NFIB: variants seen among roughly 807,000 people sequenced by gnomAD.
The protein encoded by NFIB is nuclear factor I B.
Under a neutral mutation model 61.5 loss-of-function variants are expected in NFIB, and 11 were observed. The observed-to-expected ratio is 0.18, with a 90% CI of 0.11 to 0.30. NFIB has a LOEUF of 0.30. Among genes scored for constraint, NFIB ranks in the 10% least tolerant of loss-of-function variants. NFIB has a pLI of 1.00. For synonymous variants in NFIB, 260 were observed against 216.5 expected, an observed-to-expected ratio of 1.20 and a Z score of -1.76; for missense variants, 471 against 608.9, an observed-to-expected ratio of 0.77 and a Z score of 2.38.
At chr9:14,272,855 G>A (rs903497073) in intron 2 of NFIB, among the ~76,000 whole-genome samples, 3 of 151,716 alleles carry the variant, frequency 2.0e-5, no homozygotes, top group Non-Finnish European at 2.9e-5. Context: ...CTTTTCTCTC[G>A]GTAAACAATT....
intron 2 of NFIB, among the ~76,000 whole-genome samples, chr9:14,247,902 T>C (rs935279110): frequency 5.9e-5 from 9 of 151,994 alleles, no homozygotes; most frequent in Non-Finnish European, 1.2e-4. Flanking sequence ...TTAGGTGTTG[T>C]CTACACAGTA....
intron 5 of NFIB, among the ~76,000 whole-genome samples, chr9:14,147,619 A>T (rs75895799): frequency 0.017 from 2,442 of 147,148 alleles, 56 homozygotes; most frequent in African/African-American, 0.05. Flanking sequence ...TGCCAAATTC[A>T]AACTTTTAAA....
rs1276695259 is a variant in NFIB at position 14,313,096 on chromosome 9, A to G, written c.30+386T>C. 3.9e-5 allele frequency among the ~76,000 whole-genome samples: 6 copies of G among 152,186 alleles called. No individual in the cohort carries two copies. Among genetic ancestry groups the G allele is most frequent in the African/African-American group, 1.4e-4 (6 of 41,448 alleles). On this transcript the variant is annotated intron_variant, in intron 1 of 10. Coordinates refer to ENST00000380953, the MANE Select transcript of NFIB (RefSeq NM_001190737.2). The surrounding 1 kb of genome is among the most constrained non-coding windows in gnomAD (Gnocchi z 4.5). ...AGCTTAGTCCCCCGTAAAGTCCTCCAAAGCCCGAGTCCACCTCAACGCGCG... is the reference window on the plus strand; with the variant it reads ...AGCTTAGTCCCCCGTAAAGTCCTCCGAAGCCCGAGTCCACCTCAACGCGCG...
chr9:14,492,363 A>AAAT, the NFIB span, among the ~76,000 whole-genome samples: 1 of 147,990 alleles, frequency 6.8e-6, no homozygotes, highest in East Asian at 2.0e-4. Flanking sequence ...ACTTTGCCTC[A>AAAT]AAATAAATAA....
the NFIB span, among the ~76,000 whole-genome samples, chr9:14,458,104 T>A: frequency 1.3e-4 from 20 of 152,334 alleles, no homozygotes; most frequent in African/African-American, 4.8e-4. Flanking sequence ...TGAACATCGA[T>A]GCAAAAATCC....
intron 2 of NFIB, among the ~76,000 whole-genome samples, chr9:14,220,826 G>T (rs532643938): frequency 7.7e-6 from 1 of 129,614 alleles, no homozygotes; most frequent in Non-Finnish European, 1.6e-5. Context: ...TCTATATCCA[G>T]TGAAATCAAT....
At chr9:14,507,251 A>C in the NFIB span, among the ~76,000 whole-genome samples, 1 of 152,210 alleles carries the variant, frequency 6.6e-6, no homozygotes, top group Non-Finnish European at 1.5e-5. Context: ...TTACTCCACT[A>C]TCATGATCTT....
At chr9:14,395,661 C>T (rs984975966) in intron 1 of NFIB, among the ~76,000 whole-genome samples, 3 of 151,554 alleles carry the variant, frequency 2.0e-5, no homozygotes, top group Non-Finnish European at 2.9e-5. Flanking sequence ...TGCCTTGCCA[C>T]GCTAATTTTA....
rs145296051 is a variant in NFIB at position 14,094,285 on chromosome 9, A to G, written c.1468-5959T>C. 2.2e-3 allele frequency: 340 copies of G among 152,250 alleles called. 3 individuals are homozygous for G. Among genetic ancestry groups the G allele is most frequent in the African/African-American group, 7.8e-3 (324 of 41,562 alleles). 9.4% of individuals were successfully genotyped at this position (152,250 alleles called of 1,614,324 possible). On this transcript the variant is annotated intron_variant, in intron 10 of 10. Transcript: ENST00000380953. ...GTGAATTGAGGTTCATATCACAATGAAATTCCTGTGGAAGTATAATTCTTG... is the reference window on the plus strand; with the variant it reads ...GTGAATTGAGGTTCATATCACAATGGAATTCCTGTGGAAGTATAATTCTTG...
rs1356431854 is a variant in NFIB, at chr9:14,112,951, G to C, written c.1467+48C>G. ...CTGAGAGGCAACATGGAGAAGCACG[G>C]AAGCGAAAGCGTGGCTACACCGTCA... On this transcript the variant is annotated intron_variant, in intron 10 of 10. Coordinates refer to ENST00000380953, the MANE Select transcript of NFIB (RefSeq NM_001190737.2). 3.3e-6 allele frequency: 5 copies of C among 1,529,150 alleles called. No homozygotes were observed. The South Asian group carries it at 3.6e-5, about 11-fold the overall frequency. 94.7% of individuals were successfully genotyped at this position (1,529,150 alleles called of 1,614,324 possible).
At chr9:14,132,003 C>T (rs1056404314) in intron 6 of NFIB, among the ~76,000 whole-genome samples, 2 of 152,124 alleles carry the variant, frequency 1.3e-5, no homozygotes, top group African/African-American at 4.8e-5. Flanking sequence ...AATCAGACTA[C>T]TAAAGCCTAC....
At chr9:14,317,065 A>T (rs938834867), upstream of NFIB, 1 of 150,094 alleles carries the variant, frequency 6.7e-6, no homozygotes, top group African/African-American at 2.5e-5. Flanking sequence ...CCCAGAGAGC[A>T]CTCCTTTCAG....
intron 1 of NFIB, among the ~76,000 whole-genome samples, chr9:14,356,857 G>A (rs535689258): frequency 1.5e-4 from 23 of 152,270 alleles, no homozygotes; most frequent in South Asian, 8.3e-4. Context: ...GTCAGTCACC[G>A]GTGAGTGGTC....
chr9:14,516,925 A>T, the NFIB span, among the ~76,000 whole-genome samples: 42 of 152,258 alleles, frequency 2.8e-4, no homozygotes, highest in Non-Finnish European at 4.1e-4. Context: ...GGAAAATTAC[A>T]TTAGCCTGCC....
chr9:14,289,012 A>T (rs895512891), intron 2 of NFIB, among the ~76,000 whole-genome samples: 2 of 151,536 alleles, frequency 1.3e-5, no homozygotes, highest in African/African-American at 4.8e-5. Context: ...ATACCAAAAT[A>T]AAAGGATTTA....
At chr9:14,117,182 C>T (rs951583890) in intron 8 of NFIB, among the ~76,000 whole-genome samples, 2 of 152,072 alleles carry the variant, frequency 1.3e-5, no homozygotes, top group Non-Finnish European at 2.9e-5. Context: ...CATGGTGGTG[C>T]ATGGAGAGTT....
At chr9:14,228,975 T>C (rs2052782956) in intron 2 of NFIB, among the ~76,000 whole-genome samples, 3 of 151,546 alleles carry the variant, frequency 2.0e-5, no homozygotes, top group African/African-American at 4.8e-5. Flanking sequence ...TTTATTATAA[T>C]CATTATTATA....
chr9:14,209,695 C>T (rs999593179), intron 2 of NFIB, among the ~76,000 whole-genome samples: 22 of 152,224 alleles, frequency 1.4e-4, no homozygotes, highest in African/African-American at 5.3e-4. Flanking sequence ...CATCCTACCA[C>T]AACCCAAGCC....
intron 2 of NFIB, among the ~76,000 whole-genome samples, chr9:14,228,406 G>C (rs563936362): frequency 5.9e-5 from 9 of 152,070 alleles, no homozygotes; most frequent in South Asian, 2.1e-4. Flanking sequence ...ACGTTGGCCA[G>C]GCTGGTCTCG....
Sources: gnomAD v4.1 joint callset for allele counts (sites outside exome capture counted in the v4.1 genomes callset) on GRCh38, gnomAD v4.1.1 for gene constraint, Gnocchi (gnomAD v3.1) non-coding constraint, MANE v1.5 for transcripts, NCBI Gene and HGNC (gene_info 2026-07-23, HGNC 2026-07-21) for gene names.